Variants in GPR183 observed in about 807,000 individuals in gnomAD.
GPR183 encodes EBV-induced G-protein coupled receptor 2.
GPR183 carries 9 observed loss-of-function variants against 19.7 expected under a neutral mutation model. The ratio of observed to expected loss-of-function variants is 0.46; its 90% confidence interval spans 0.28 to 0.80. The LOEUF is 0.80. Among genes scored for constraint, GPR183 ranks in the 30% least tolerant of loss-of-function variants. GPR183 has a pLI of 0.13. For missense variants in GPR183, 368 were observed against 446.7 expected, an observed-to-expected ratio of 0.82 and a Z score of 1.59; for synonymous variants, 160 against 155.1, an observed-to-expected ratio of 1.03 and a Z score of -0.24.
chr13:99,299,471 C>T (rs555465407), intron 1 of GPR183, among the ~76,000 whole-genome samples: 1 of 152,200 alleles, frequency 6.6e-6, no homozygotes, highest in East Asian at 1.9e-4. Context: ...CGCACACACA[C>T]ACACAGAAAG....
chr13:99,297,990 A>G (rs2138723546), intron 1 of GPR183, among the ~76,000 whole-genome samples: 1 of 152,260 alleles, frequency 6.6e-6, no homozygotes, highest in Non-Finnish European at 1.5e-5. Context: ...TATTAATAGG[A>G]ATACAGAGGG....
At chr13:99,296,581 A>C (rs1295293871) in intron 1 of GPR183, among the ~76,000 whole-genome samples, 1 of 152,180 alleles carries the variant, frequency 6.6e-6, no homozygotes. Context: ...TTTTAAATTT[A>C]ATTTCAGTTG....
intron 1 of GPR183, among the ~76,000 whole-genome samples, chr13:99,296,945 A>G (rs1216694263): frequency 1.3e-5 from 2 of 152,194 alleles, no homozygotes; most frequent in African/African-American, 2.4e-5. Context: ...CATAGTAGCA[A>G]GCATCACACT....
At chr13:99,296,225 T>A in intron 1 of GPR183, 62 bp from the exon 2 acceptor site, 1 of 1,381,842 alleles carries the variant, frequency 7.2e-7, no homozygotes, top group Non-Finnish European at 9.6e-7. Context: ...TGATTACTCA[T>A]TAGTTTTAAA....
rs780174780 is a variant in GPR183 at position 99,295,950 on chromosome 13, T to C, written c.196A>G (p.Thr66Ala). Residue 66 changes from threonine to alanine, a missense_variant, in exon 2 of 2, where the codon ACC becomes GCC. Coordinates refer to ENST00000376414, the MANE Select transcript of GPR183 (RefSeq NM_004951.5). This position sits in a 1 kb window ranked among gnomAD's most constrained non-coding sequence, Gnocchi z 4.1. The part of the protein sequence containing the change: ...IVQNRKKINS[T>A]TLYSTNLVIS... ...ACCAAATTTGTTGAATAGAGGGTGG[T>C]AGAGTTGATTTTTTTCCTGTTTTGA... 3 of 1,613,976 alleles carry C rather than the reference T, an allele frequency of 1.9e-6. No individual in the cohort carries two copies. Among genetic ancestry groups the C allele is most frequent in the Non-Finnish European group, 2.5e-6 (3 of 1,179,932 alleles).
chr13:99,295,968 T>A lies in GPR183; in HGVS notation c.178A>T (p.Arg60Trp). 1 of 1,614,098 alleles carries A rather than the reference T, an allele frequency of 6.2e-7. No individual in the cohort carries two copies. Among genetic ancestry groups the A allele is most frequent in the African/African-American group, 1.3e-5 (1 of 75,046 alleles). The change falls in exon 2 of 2, where the codon AGG (arginine) becomes TGG (tryptophan). Residue 60 changes from arginine to tryptophan, a missense_variant. Coordinates refer to ENST00000376414, the MANE Select transcript of GPR183 (RefSeq NM_004951.5). The surrounding 1 kb of genome is among the most constrained non-coding windows in gnomAD (Gnocchi z 4.1). ...AGGGTGGTAGAGTTGATTTTTTTCC[T>A]GTTTTGAACAATGACGACCAAGGCT... ...LLALVVIVQNRKKINSTTLYS... is the reference protein window; with the variant it reads ...LLALVVIVQNWKKINSTTLYS...
At chr13:99,303,962 C>G (rs1348932421) in intron 1 of GPR183, among the ~76,000 whole-genome samples, 1 of 152,202 alleles carries the variant, frequency 6.6e-6, no homozygotes, top group Non-Finnish European at 1.5e-5. Context: ...TTGTGCTCTG[C>G]TGCACATCCG....
In GPR183 at chr13:99,295,085, T is replaced by A; in HGVS notation, c.1061A>T (p.His354Leu). The A allele has an allele frequency of 1.2e-6, 2 of 1,613,864 alleles. No individual in the cohort carries two copies. The highest frequency in any genetic ancestry group is 1.3e-5 in the African/African-American group (1 of 75,038). ...TCACTTTCCATTTGAAGACTTGGAA[T>A]GTATCATCATCTGCGTTTCTGTCAT... ...REMTETQMMI[H>L]SKSSNGK is the part of the protein sequence containing the mutation. Residue 354 changes from histidine to leucine, a missense_variant, in exon 2 of 2, where the codon CAT becomes CTT. Coordinates refer to ENST00000376414, the MANE Select transcript of GPR183 (RefSeq NM_004951.5). The surrounding 1 kb of genome is among the most constrained non-coding windows in gnomAD (Gnocchi z 4.1).
chr13:99,305,362 C>T (rs914144394), intron 1 of GPR183, among the ~76,000 whole-genome samples: 1 of 151,698 alleles, frequency 6.6e-6, no homozygotes, highest in African/African-American at 2.4e-5. Flanking sequence ...CTGGAGAACA[C>T]CACGCGTCCT....
intron 1 of GPR183, 119 bp downstream of exon 1, chr13:99,307,221 A>C (rs1316720267): frequency 6.6e-6 from 1 of 152,210 alleles, no homozygotes; most frequent in Non-Finnish European, 1.5e-5. Context: ...TTTTGTTAGA[A>C]GTGATGGTAG....
chr13:99,304,469 C>A (rs1351847515), intron 1 of GPR183, among the ~76,000 whole-genome samples: 3 of 152,022 alleles, frequency 2.0e-5, no homozygotes, highest in Non-Finnish European at 4.4e-5. Flanking sequence ...GAGTGGGGAC[C>A]CTATGGTGTT....
rs2044141308 is a variant in GPR183 at position 99,294,685 on chromosome 13, A to G, written c.*375T>C. 1 of 156,128 alleles carries G rather than the reference A, an allele frequency of 6.4e-6. No homozygotes were observed. The highest frequency in any genetic ancestry group is 2.0e-4 in the South Asian group (1 of 5,014). 9.7% of individuals were successfully genotyped at this position (156,128 alleles called of 1,614,324 possible). A position where few individuals can be genotyped will look rare whatever the true frequency, so the allele number is the denominator to read the frequency against. On this transcript the variant is annotated 3_prime_UTR_variant, in exon 2 of 2. Coordinates refer to ENST00000376414, the MANE Select transcript of GPR183 (RefSeq NM_004951.5). ...GATTTAAGAAATATGTTATTTAAAA[A>G]GTATGTTACAGTATTAACATCTGGC... is the stretch of plus-strand genomic sequence containing the variant.
At chr13:99,296,994 A>G (rs2044185339) in intron 1 of GPR183, among the ~76,000 whole-genome samples, 1 of 152,166 alleles carries the variant, frequency 6.6e-6, no homozygotes, top group Non-Finnish European at 1.5e-5. Flanking sequence ...AAACATCTTC[A>G]TGTCAGTGCA....
chr13:99,303,291 A>G (rs1248282920), intron 1 of GPR183, among the ~76,000 whole-genome samples: 2 of 152,218 alleles, frequency 1.3e-5, no homozygotes, highest in African/African-American at 2.4e-5. Context: ...AACCCAGTGG[A>G]TGTGCAGCAA....
chr13:99,302,088 C>T (rs1216005160), intron 1 of GPR183, among the ~76,000 whole-genome samples: 1 of 152,046 alleles, frequency 6.6e-6, no homozygotes, highest in African/African-American at 2.4e-5. Context: ...AGAGAGGTGA[C>T]CTAAATCAAT....
At position 99,296,121 on chromosome 13, in the gene GPR183, A is replaced by C. The variant is rs759038989; in HGVS notation, c.25T>G (p.Phe9Val). The change falls in exon 2 of 2, where the codon TTT becomes GTT. Residue 9 changes from phenylalanine to valine, a missense_variant. By Grantham distance (50) the Phe-to-Val change is conservative (BLOSUM62 -1). Transcript: ENST00000376414. ...TGAGGAGTTGCAGAGGGCGGAGTAA[A>C]ATTGTTTGCCATTTGTATATCCATT... is the stretch of plus-strand genomic sequence containing the variant. MDIQMANNFTPPSATPQGN... is the reference protein window; with the variant it reads MDIQMANNVTPPSATPQGN... 1.2e-6 allele frequency: 2 copies of C among 1,602,330 alleles called. No individual in the cohort carries two copies. Among genetic ancestry groups the C allele is most frequent in the East Asian group, 4.5e-5 (2 of 44,668 alleles).
At chr13:99,306,722 G>C (rs2044342211) in intron 1 of GPR183, among the ~76,000 whole-genome samples, 1 of 152,064 alleles carries the variant, frequency 6.6e-6, no homozygotes, top group East Asian at 1.9e-4. Flanking sequence ...GTAAACACAA[G>C]TATAAACCAC....
intron 1 of GPR183, among the ~76,000 whole-genome samples, chr13:99,297,104 G>A (rs2044187131): frequency 1.3e-5 from 2 of 152,136 alleles, no homozygotes; most frequent in South Asian, 4.1e-4. Flanking sequence ...CTCCCTTGAT[G>A]AACTTTTGGA....
intron 1 of GPR183, among the ~76,000 whole-genome samples, chr13:99,297,137 TATAA>T (rs2044188019): frequency 6.6e-6 from 1 of 152,192 alleles, no homozygotes. Flanking sequence ...CTTTTCTTGT[TATAA>T]ATAATGTTAA....
Sources: allele counts gnomAD v4.1 joint callset (sites outside exome capture counted in the v4.1 genomes callset), GRCh38; gene constraint gnomAD v4.1.1; non-coding constraint Gnocchi (gnomAD v3.1); transcripts MANE v1.5; gene names NCBI Gene and HGNC (gene_info 2026-07-23, HGNC 2026-07-21).